INPP4B: variants seen among roughly 807,000 people sequenced by gnomAD.
INPP4B encodes inositol polyphosphate 4-phosphatase type II.
Under a neutral mutation model 122.5 loss-of-function variants are expected in INPP4B, and 55 were observed. The ratio of observed to expected loss-of-function variants is 0.45; its 90% CI spans 0.36 to 0.56. The LOEUF is 0.56. Ranked by LOEUF, INPP4B falls within the 20% of genes least tolerant of loss-of-function variation. INPP4B has a pLI of 0.00. For missense variants in INPP4B, 1,000 were observed against 1,097.7 expected (o/e 0.91, Z 1.26); for synonymous variants, 403 against 388.7 (o/e 1.04, Z -0.43).
chr4:142,380,254 G>C (rs1035351182), intron 7 of INPP4B, among the ~76,000 whole-genome samples: 1 of 152,172 alleles, frequency 6.6e-6, no homozygotes, highest in Non-Finnish European at 1.5e-5. Flanking sequence ...GTTTCCCCTA[G>C]TTATTTCAAG....
intron 2 of INPP4B, among the ~76,000 whole-genome samples, chr4:142,557,359 A>G (rs894135653): frequency 1.3e-5 from 2 of 152,222 alleles, no homozygotes; most frequent in Non-Finnish European, 2.9e-5. Context: ...CTTCTATGAA[A>G]GTCAGACTCA....
At chr4:142,669,263 T>C (rs757819553) in intron 2 of INPP4B, among the ~76,000 whole-genome samples, 2 of 152,242 alleles carry the variant, frequency 1.3e-5, no homozygotes, top group Non-Finnish European at 1.5e-5. Flanking sequence ...ACAGATTCAA[T>C]TGAATCTCTA....
intron 2 of INPP4B, among the ~76,000 whole-genome samples, chr4:142,664,552 G>A (rs963360386): frequency 2.7e-5 from 4 of 150,894 alleles, no homozygotes; most frequent in African/African-American, 7.3e-5. Flanking sequence ...GAAACACGAA[G>A]ACTAACAACA....
chr4:142,127,971 C>T (rs1034447021), intron 18 of INPP4B, among the ~76,000 whole-genome samples: 1 of 151,998 alleles, frequency 6.6e-6, no homozygotes, highest in African/African-American at 2.4e-5. Flanking sequence ...GGCCTTTTTG[C>T]TCCAATGAAC....
chr4:142,644,587 T>C (rs1751298681), intron 2 of INPP4B, among the ~76,000 whole-genome samples: 1 of 151,572 alleles, frequency 6.6e-6, no homozygotes, highest in Admixed American at 6.6e-5. Flanking sequence ...TTTTTATTCA[T>C]TCTGTGACTG....
At chr4:142,527,724 G>A (rs921594259) in intron 2 of INPP4B, among the ~76,000 whole-genome samples, 2 of 152,018 alleles carry the variant, frequency 1.3e-5, no homozygotes, top group East Asian at 1.9e-4. Flanking sequence ...TAGATTAGCA[G>A]TTCTGAAAGT....
intron 8 of INPP4B, among the ~76,000 whole-genome samples, chr4:142,309,320 T>A (rs1764553087): frequency 6.6e-6 from 1 of 151,706 alleles, no homozygotes; most frequent in South Asian, 2.1e-4. Flanking sequence ...AATATGAGAT[T>A]TGGGGGAAAT....
intron 3 of INPP4B, among the ~76,000 whole-genome samples, chr4:142,448,609 A>G (rs1813460164): frequency 6.6e-6 from 1 of 152,168 alleles, no homozygotes; most frequent in Admixed American, 6.5e-5. Context: ...TAATGTCAAG[A>G]AAAGGTAAAA....
chr4:142,771,386 T>G (rs117354618), intron 1 of INPP4B, among the ~76,000 whole-genome samples: 1 of 152,228 alleles, frequency 6.6e-6, no homozygotes, highest in East Asian at 1.9e-4. Flanking sequence ...CTAGAGAAGT[T>G]TCTCTGGCAA....
intron 1 of INPP4B, among the ~76,000 whole-genome samples, chr4:142,751,264 G>T (rs1769651893): frequency 7.7e-6 from 1 of 129,844 alleles, no homozygotes; most frequent in South Asian, 2.6e-4. Context: ...AAAAGCCAAA[G>T]TAATGGAGTT....
chr4:142,352,634 C>A (rs1204436284), intron 7 of INPP4B, among the ~76,000 whole-genome samples: 1 of 151,812 alleles, frequency 6.6e-6, no homozygotes, highest in Non-Finnish European at 1.5e-5. Context: ...TTATGGCACA[C>A]CACTAACAGA....
intron 11 of INPP4B, among the ~76,000 whole-genome samples, chr4:142,259,573 C>T (rs1561659499): frequency 7.7e-6 from 1 of 129,262 alleles, no homozygotes; most frequent in African/African-American, 2.7e-5. Flanking sequence ...AAACTAAAAT[C>T]AAATCAAGAA....
At chr4:142,677,709 G>A (rs971509761) in intron 2 of INPP4B, among the ~76,000 whole-genome samples, 2 of 152,056 alleles carry the variant, frequency 1.3e-5, no homozygotes, top group East Asian at 1.9e-4. Context: ...GGATGAAGCT[G>A]GAAACCATCA....
At chr4:142,488,108 T>C (rs1242392874) in intron 2 of INPP4B, among the ~76,000 whole-genome samples, 1 of 152,120 alleles carries the variant, frequency 6.6e-6, no homozygotes, top group African/African-American at 2.4e-5. Context: ...GCTTTTATTA[T>C]GAATGAATGT....
At chr4:142,039,402 T>C (rs1745925363) in intron 25 of INPP4B, among the ~76,000 whole-genome samples, 1 of 152,292 alleles carries the variant, frequency 6.6e-6, no homozygotes, top group African/African-American at 2.4e-5. Flanking sequence ...TCCAGTTCAA[T>C]GTTTTTGTTT....
At chr4:142,846,336 C>G (rs1424349200), upstream of INPP4B, 1 of 152,210 alleles carries the variant, frequency 6.6e-6, no homozygotes, top group East Asian at 1.9e-4. This position sits in a 1 kb window ranked among gnomAD's most constrained non-coding sequence, Gnocchi z 5.1. Context: ...ATTTATAGAC[C>G]GAAGCCTCAG....
intron 2 of INPP4B, among the ~76,000 whole-genome samples, chr4:142,486,994 T>C (rs1821277842): frequency 6.6e-6 from 1 of 152,178 alleles, no homozygotes; most frequent in African/African-American, 2.4e-5. Context: ...AAATCTCATC[T>C]TGTAGCTCCC....
chr4:142,723,052 C>A (rs1032777388), intron 2 of INPP4B, among the ~76,000 whole-genome samples: 3 of 151,812 alleles, frequency 2.0e-5, no homozygotes, highest in African/African-American at 7.3e-5. Flanking sequence ...AAAATAAAAC[C>A]AATCTGTAAA....
chr4:142,145,559 G>A (rs1248004242), intron 18 of INPP4B, among the ~76,000 whole-genome samples: 1 of 152,014 alleles, frequency 6.6e-6, no homozygotes, highest in Non-Finnish European at 1.5e-5. Context: ...TGTAAAGGTA[G>A]GTTAAACTAT....
Sources: gnomAD v4.1 joint callset for allele counts (sites outside exome capture counted in the v4.1 genomes callset) on GRCh38, gnomAD v4.1.1 for gene constraint, Gnocchi (gnomAD v3.1) non-coding constraint, MANE v1.5 for transcripts, NCBI Gene and HGNC (gene_info 2026-07-23, HGNC 2026-07-21) for gene names.